APBA2: variants seen among roughly 807,000 people sequenced by gnomAD.
APBA2 encodes the protein amyloid-beta A4 precursor protein-binding family A member 2.
In APBA2, 30 loss-of-function variants were observed where a neutral mutation model predicts 75.0. The observed-to-expected ratio is 0.40, with a 90% CI of 0.30 to 0.54. The LOEUF (loss-of-function observed/expected upper bound fraction) is 0.54. Among genes scored for constraint, APBA2 ranks in the 20% least tolerant of loss-of-function variants. APBA2 has a pLI of 0.49. For missense variants in APBA2, 801 were observed against 1,016.1 expected (o/e 0.79, Z 2.88); for synonymous variants, 444 against 409.6 (o/e 1.08, Z -1.01).
In APBA2 at chr15:28,918,883, G is replaced by A. The variant is rs1016130167; in HGVS notation, c.-204-2757G>A. ...TTATTATTTTTTTTTTTTTGTAGACGGAGTCGCGCTCTGTCTCCCAGGCTG... is the reference window on the plus strand; with the variant it reads ...TTATTATTTTTTTTTTTTTGTAGACAGAGTCGCGCTCTGTCTCCCAGGCTG... On this transcript the variant is annotated intron_variant, in intron 1 of 14. Transcript: ENST00000683413. The surrounding 1 kb of genome is among the most constrained non-coding windows in gnomAD (Gnocchi z 4.2). Among the ~76,000 whole-genome samples the A allele has an allele frequency of 1.3e-3, 194 of 151,112 alleles. 1 individual carries two copies. The highest frequency in any genetic ancestry group is 4.4e-3 in the African/African-American group (181 of 41,132).
chr15:28,941,835 C>A (rs1426266210), intron 2 of APBA2, among the ~76,000 whole-genome samples: 3 of 152,268 alleles, frequency 2.0e-5, no homozygotes, highest in Non-Finnish European at 2.9e-5. Context: ...CAGCTCACCG[C>A]AAGCTCCGCC....
At chr15:29,098,803 C>T (rs1326031788) in intron 9 of APBA2, among the ~76,000 whole-genome samples, 1 of 152,142 alleles carries the variant, frequency 6.6e-6, no homozygotes, top group African/African-American at 2.4e-5. Context: ...GTGGGAAGAC[C>T]TGCTGGGCTA....
At chr15:29,086,414 T>C (rs2043294921) in intron 6 of APBA2, among the ~76,000 whole-genome samples, 1 of 152,248 alleles carries the variant, frequency 6.6e-6, no homozygotes, top group Non-Finnish European at 1.5e-5. Context: ...TAATTTGTTA[T>C]GCAGCCAACA....
chr15:28,956,886 G>T (rs2036198941), intron 2 of APBA2, among the ~76,000 whole-genome samples: 1 of 152,188 alleles, frequency 6.6e-6, no homozygotes, highest in Admixed American at 6.5e-5. Flanking sequence ...ACGTCGTAGT[G>T]TAGCACGTGT....
At chr15:28,946,583 C>A (rs1182031498) in intron 2 of APBA2, among the ~76,000 whole-genome samples, 3 of 152,030 alleles carry the variant, frequency 2.0e-5, no homozygotes, top group Admixed American at 1.3e-4. Flanking sequence ...TCTTTCTTTT[C>A]TTTTCTTTTT....
chr15:28,953,871 G>A (rs961950209), intron 2 of APBA2, among the ~76,000 whole-genome samples: 2 of 152,056 alleles, frequency 1.3e-5, no homozygotes, highest in African/African-American at 4.8e-5. Flanking sequence ...ACCTCATTCC[G>A]ACTTGTGGCA....
intron 2 of APBA2, among the ~76,000 whole-genome samples, chr15:28,944,214 A>C (rs544472601): frequency 6.6e-6 from 1 of 152,330 alleles, no homozygotes; most frequent in South Asian, 2.1e-4. Flanking sequence ...AAAGAACATG[A>C]ATTGCGGTCA....
chr15:28,928,397 C>G (rs35601556), intron 2 of APBA2, among the ~76,000 whole-genome samples: 49,588 of 151,868 alleles, frequency 0.33, 13,758 homozygotes, highest in African/African-American at 0.74. Context: ...CTTCCTCAGA[C>G]AGAGTGAGTG....
Position 28,935,518 on chromosome 15 carries a change from C to T in APBA2, c.-95+13769C>T, listed in dbSNP as rs567106404. 3.3e-5 allele frequency among the ~76,000 whole-genome samples: 5 copies of T among 152,240 alleles called. No homozygotes were observed. The East Asian group carries it at 5.8e-4, about 18-fold the overall frequency. Reference sequence around the variant, plus strand: ...TGTCAGGGCGTAGGACGCTAGGGGGCGAACAGAGGAAGTAGAGGTATCTGG... The same window carrying T: ...TGTCAGGGCGTAGGACGCTAGGGGGTGAACAGAGGAAGTAGAGGTATCTGG... On this transcript the variant is annotated intron_variant, in intron 2 of 14. Transcript: ENST00000683413.
Position 29,117,384 on chromosome 15 carries a change from A to ACTGT in APBA2, c.*254_*257dup, listed in dbSNP as rs1328496462. ...TTCCAAGTATTTTGCCACGTTCTGG[A>ACTGT]CTGTCTTCTCCCTGCACAAGCCAGG... On this transcript the variant is annotated 3_prime_UTR_variant, in exon 15 of 15. Coordinates refer to ENST00000683413, the MANE Select transcript of APBA2 (RefSeq NM_001353788.2). 6.3e-5 allele frequency: 36 copies of ACTGT among 569,026 alleles called. No homozygotes were observed. The highest frequency in any genetic ancestry group is 5.8e-4 in the Admixed American group (19 of 32,954). The allele number at this position is 569,026 out of a possible 1,614,324, so 35.2% of individuals were successfully genotyped here.
rs1170114191 is a variant in APBA2, at chr15:28,897,643, AAAG to A, written c.-205+11367_-205+11369del. Among the ~76,000 whole-genome samples the A allele has an allele frequency of 5.2e-3, 749 of 144,714 alleles. 13 individuals carry two copies. Among genetic ancestry groups the A allele is most frequent in the African/African-American group, 0.018 (712 of 39,492 alleles). The allele number at this position is 144,714 out of a possible 152,430, so 94.9% of individuals were successfully genotyped here. ...AAAAAAAAAAAAAAAAAAAAGAGAAAAAGAGCAGAAAATAGCAGGTGTCGGTGA... is the reference window on the plus strand; with the variant it reads ...AAAAAAAAAAAAAAAAAAAAGAGAAAAGCAGAAAATAGCAGGTGTCGGTGA... On this transcript the variant is annotated intron_variant, in intron 1 of 14. Transcript: ENST00000683413.
chr15:29,007,175 C>T (rs1051378745), intron 3 of APBA2, among the ~76,000 whole-genome samples: 4 of 152,066 alleles, frequency 2.6e-5, no homozygotes, highest in Admixed American at 6.6e-5. Flanking sequence ...ATAGTTTCTT[C>T]AAATGGTGTT....
chr15:28,929,874 C>T (rs746442100), intron 2 of APBA2, among the ~76,000 whole-genome samples: 7 of 152,256 alleles, frequency 4.6e-5, no homozygotes, highest in Admixed American at 2.0e-4. Context: ...TTCCTAATTC[C>T]GTCAAGGGGA....
At chr15:28,995,277 C>T (rs1007891228) in intron 2 of APBA2, among the ~76,000 whole-genome samples, 3 of 152,104 alleles carry the variant, frequency 2.0e-5, no homozygotes, top group African/African-American at 7.2e-5. Flanking sequence ...GGGCTGAGAC[C>T]CTGGGCATTG....
intron 2 of APBA2, among the ~76,000 whole-genome samples, chr15:28,967,013 A>T (rs1036060217): frequency 6.6e-6 from 1 of 152,206 alleles, no homozygotes. Context: ...AAGTATGATT[A>T]AAGAACCTCA....
chr15:28,981,178 C>A (rs2037603392), intron 2 of APBA2, among the ~76,000 whole-genome samples: 1 of 152,120 alleles, frequency 6.6e-6, no homozygotes, highest in Non-Finnish European at 1.5e-5. Context: ...CAAGTGGAAC[C>A]TAATTAACTA....
intron 2 of APBA2, among the ~76,000 whole-genome samples, chr15:28,995,503 A>C (rs2038468286): frequency 6.6e-6 from 1 of 152,224 alleles, no homozygotes; most frequent in African/African-American, 2.4e-5. Flanking sequence ...AATGGTACAT[A>C]AGCCATCTCT....
At chr15:29,074,625 A>G (rs1309279942) in intron 4 of APBA2, among the ~76,000 whole-genome samples, 2 of 152,224 alleles carry the variant, frequency 1.3e-5, no homozygotes. Flanking sequence ...ACTTAGTGCC[A>G]CTGAACTGTA....
intron 3 of APBA2, among the ~76,000 whole-genome samples, chr15:29,031,604 C>G (rs2040491216): frequency 6.6e-6 from 1 of 152,142 alleles, no homozygotes; most frequent in South Asian, 2.1e-4. Context: ...GCAAAATGCC[C>G]TTTTCAATCC....
Sources: gnomAD v4.1 joint callset for allele counts (sites outside exome capture counted in the v4.1 genomes callset) on GRCh38, gnomAD v4.1.1 for gene constraint, Gnocchi (gnomAD v3.1) non-coding constraint, MANE v1.5 for transcripts, NCBI Gene and HGNC (gene_info 2026-07-23, HGNC 2026-07-21) for gene names.